The following RBMS3 variants were observed in gnomAD, a reference collection of about 807,000 sequenced individuals.
The protein encoded by RBMS3 is RNA-binding motif, single-stranded-interacting protein 3.
A neutral mutation model predicts 66.8 loss-of-function variants in RBMS3; 27 were observed. The observed-to-expected ratio is 0.40, with a 90% confidence interval of 0.30 to 0.56. The LOEUF (loss-of-function observed/expected upper bound fraction) is 0.56, where lower values mean the gene tolerates loss of function less well. Among genes scored for constraint, RBMS3 ranks in the 20% least tolerant of loss-of-function variants. The pLI, the probability that RBMS3 is intolerant of heterozygous loss-of-function variation, is 0.40. For missense variants in RBMS3, 513 were observed against 549.5 expected (o/e 0.93, Z 0.66); for synonymous variants, 188 against 183.0 (o/e 1.03, Z -0.22).
intron 2 of RBMS3, 160 bp downstream of exon 2, chr3:29,435,075 T>G (rs1334093891): frequency 2.5e-6 from 2 of 798,208 alleles, no homozygotes; most frequent in Non-Finnish European, 3.8e-6. Flanking sequence ...GCTAGTTTAT[T>G]TTGGGGAGTG....
At chr3:29,458,237 C>A (rs1199066615) in intron 2 of RBMS3, among the ~76,000 whole-genome samples, 1 of 152,096 alleles carries the variant, frequency 6.6e-6, no homozygotes, top group African/African-American at 2.4e-5. Context: ...CAGTGACTGG[C>A]AAATGGGCTA....
intron 6 of RBMS3, among the ~76,000 whole-genome samples, chr3:29,785,717 C>A (rs765453243): frequency 5.9e-5 from 9 of 152,018 alleles, no homozygotes; most frequent in Non-Finnish European, 1.3e-4. Context: ...CCGTCTATGA[C>A]AAACCCACAG....
intron 4 of RBMS3, among the ~76,000 whole-genome samples, chr3:29,734,339 T>G (rs1360314156): frequency 6.6e-6 from 1 of 152,056 alleles, no homozygotes; most frequent in Non-Finnish European, 1.5e-5. Flanking sequence ...TATGGCACTG[T>G]AGGATGACTA....
intron 4 of RBMS3, among the ~76,000 whole-genome samples, chr3:29,623,378 G>A (rs1213372653): frequency 1.3e-5 from 2 of 151,776 alleles, no homozygotes; most frequent in African/African-American, 2.4e-5. Context: ...GGTTCACAAG[G>A]TCAGCAGATC....
intron 6 of RBMS3, among the ~76,000 whole-genome samples, chr3:29,803,012 G>A (rs559958696): frequency 3.9e-5 from 6 of 152,198 alleles, no homozygotes; most frequent in South Asian, 4.1e-4. Context: ...TGGGACGAAC[G>A]GCTTTATCTG....
At chr3:29,685,404 A>G (rs1205655248) in intron 4 of RBMS3, among the ~76,000 whole-genome samples, 2 of 152,184 alleles carry the variant, frequency 1.3e-5, no homozygotes, top group African/African-American at 2.4e-5. Flanking sequence ...TACGTTCTGT[A>G]TTAGTTTCTC....
At position 30,005,391 on chromosome 3, in the gene RBMS3, C is replaced by A. The variant is rs1559884491; in HGVS notation, c.*1529C>A. On this transcript the variant is annotated 3_prime_UTR_variant, in exon 15 of 15. Transcript: ENST00000383767. ...TCACTAGCTGTCTTGAATAGTGAAA[C>A]CTGTATTGATGGCCACTAGTAAACC... 1 of 151,720 alleles carries A rather than the reference C, an allele frequency of 6.6e-6. No individual in the cohort carries two copies. Among genetic ancestry groups the A allele is most frequent in the Admixed American group, 6.6e-5 (1 of 15,208 alleles). The allele number at this position is 151,720 out of a possible 1,614,324, so 9.4% of individuals were successfully genotyped here. A position where few individuals can be genotyped will look rare whatever the true frequency, so the allele number is the denominator to read the frequency against.
chr3:29,810,755 C>A (rs139148895), intron 6 of RBMS3, among the ~76,000 whole-genome samples: 1 of 152,048 alleles, frequency 6.6e-6, no homozygotes, highest in Non-Finnish European at 1.5e-5. Context: ...AATTATATTT[C>A]TCTTAACACT....
intron 6 of RBMS3, among the ~76,000 whole-genome samples, chr3:29,811,521 T>A (rs1276670073): frequency 6.6e-6 from 1 of 152,202 alleles, no homozygotes; most frequent in Non-Finnish European, 1.5e-5. Flanking sequence ...CAAAAAACCC[T>A]TGCTCTCATG....
At chr3:29,891,612 T>A (rs1413731154) in intron 8 of RBMS3, among the ~76,000 whole-genome samples, 1 of 151,528 alleles carries the variant, frequency 6.6e-6, no homozygotes. Flanking sequence ...CAAAATCTCA[T>A]CTTTCCTGTG....
intron 3 of RBMS3, among the ~76,000 whole-genome samples, chr3:29,494,222 T>C (rs1274990033): frequency 6.6e-6 from 1 of 152,148 alleles, no homozygotes; most frequent in African/African-American, 2.4e-5. Context: ...ACCAACAGAA[T>C]TGAATCCTAT....
At chr3:29,317,098 G>T (rs2034727886) in intron 1 of RBMS3, among the ~76,000 whole-genome samples, 1 of 151,656 alleles carries the variant, frequency 6.6e-6, no homozygotes, top group Admixed American at 6.6e-5. Context: ...TAAAAACTCA[G>T]TCAAATATTT....
intron 3 of RBMS3, among the ~76,000 whole-genome samples, chr3:29,535,890 A>G (rs918037887): frequency 6.6e-6 from 1 of 151,748 alleles, no homozygotes; most frequent in African/African-American, 2.4e-5. Flanking sequence ...TGATTTATTT[A>G]TGGTCTATTC....
chr3:29,700,177 C>T (rs1049402562), intron 4 of RBMS3, among the ~76,000 whole-genome samples: 1 of 152,192 alleles, frequency 6.6e-6, no homozygotes, highest in African/African-American at 2.4e-5. Context: ...TCCAGGAACA[C>T]TTTTCTCTCA....
intron 6 of RBMS3, among the ~76,000 whole-genome samples, chr3:29,778,812 G>A (rs1164181391): frequency 6.6e-6 from 1 of 151,816 alleles, no homozygotes; most frequent in Non-Finnish European, 1.5e-5. Flanking sequence ...TAGAGCAATT[G>A]GAATGTTTCT....
chr3:29,399,771 G>C lies in RBMS3; in HGVS notation c.76-34972G>C, dbSNP rs566560325. On this transcript the variant is annotated intron_variant, in intron 1 of 14. Transcript: ENST00000383767. Reference sequence around the variant, plus strand: ...ATATTCAATTATGCCTTGTTGGCTAGAAGTGTCATAAAGCCACTCCTAGCT... The same window carrying C: ...ATATTCAATTATGCCTTGTTGGCTACAAGTGTCATAAAGCCACTCCTAGCT... 5.3e-5 allele frequency among the ~76,000 whole-genome samples: 8 copies of C among 152,192 alleles called. No individual in the cohort carries two copies. In the East Asian group the frequency reaches 1.2e-3, roughly 22 times the overall value.
At chr3:29,382,962 C>T (rs2038837379) in intron 1 of RBMS3, among the ~76,000 whole-genome samples, 1 of 152,130 alleles carries the variant, frequency 6.6e-6, no homozygotes, top group African/African-American at 2.4e-5. Context: ...CGCCTCTGAT[C>T]AGGAAATCAA....
At chr3:29,612,421 A>AT (rs1161886358) in intron 4 of RBMS3, among the ~76,000 whole-genome samples, 1 of 151,992 alleles carries the variant, frequency 6.6e-6, no homozygotes. Context: ...ATGAATATCA[A>AT]TTTTTCCCAA....
chr3:29,347,183 C>A (rs1402684498), intron 1 of RBMS3, among the ~76,000 whole-genome samples: 2 of 152,086 alleles, frequency 1.3e-5, no homozygotes, highest in Non-Finnish European at 2.9e-5. Context: ...CAATTCCTGT[C>A]ATTTATTTCA....
Sources: gnomAD v4.1 joint callset for allele counts (sites outside exome capture counted in the v4.1 genomes callset) on GRCh38, gnomAD v4.1.1 for gene constraint, MANE v1.5 for transcripts, NCBI Gene and HGNC (gene_info 2026-07-23, HGNC 2026-07-21) for gene names.